Variants in RET observed in about 807,000 individuals in gnomAD.
RET encodes ret proto-oncogene, also known as proto-oncogene tyrosine-protein kinase receptor Ret.
A neutral mutation model predicts 118.3 loss-of-function variants in RET; 19 were observed. The ratio of observed to expected loss-of-function variants is 0.16; its 90% CI spans 0.11 to 0.24. The LOEUF (loss-of-function observed/expected upper bound fraction) is 0.24, where lower values mean the gene tolerates loss of function less well. RET is among the 10% of genes least tolerant of loss of function. The pLI is 1.00. For synonymous variants in RET, 597 were observed against 644.1 expected (o/e 0.93, Z 1.11); for missense variants, 1,219 against 1,502.1 (o/e 0.81, Z 3.12).
rs1588876518 is a variant in RET, at chr10:43,118,440, C to T, written c.2352C>T (p.His784=). The stretch of plus-strand genomic sequence containing the variant: ...TCAACGTCCTGAAGCAGGTCAACCA[C>T]CCACATGTCATCAAATTGTATGGGG... ...SEFNVLKQVN[H]PHVIKLYGAC... Residue 784 remains histidine, a synonymous_variant, in exon 13 of 20, where the codon CAC becomes CAT. Transcript: ENST00000355710. The T allele has an allele frequency of 6.2e-7, 1 of 1,614,090 alleles. No homozygotes were observed. The highest frequency in any genetic ancestry group is 8.5e-7 in the Non-Finnish European group (1 of 1,180,014).
rs1347740187 is a variant in RET, at chr10:43,102,275, TC to T, written c.338-65del. The stretch of plus-strand genomic sequence containing the variant: ...TTACACCAGCCCTGGAGCTCCTGCC[TC>T]CTCCCCATTCCCGACTGCCTGGCAG... On this transcript the variant is annotated intron_variant, in intron 2 of 19. Coordinates refer to ENST00000355710, the MANE Select transcript of RET (RefSeq NM_020975.6). The T allele has an allele frequency of 1.9e-6, 3 of 1,595,518 alleles. No individual in the cohort carries two copies. In the African/African-American group the frequency reaches 4.0e-5, roughly 21 times the overall value.
rs587780816 is a variant in RET at position 43,105,083 on chromosome 10, G to A, written c.757G>A (p.Val253Met). 1 of 1,611,636 alleles carries A rather than the reference G, an allele frequency of 6.2e-7. No homozygotes were observed. The highest frequency in any genetic ancestry group is 8.5e-7 in the Non-Finnish European group (1 of 1,179,796). Residue 253 changes from valine to methionine, a missense_variant, in exon 4 of 20, where the codon GTG (valine) becomes ATG (methionine). Transcript: ENST00000355710. ...CTVHAGAREEVVMVPFPVTVY... is the reference protein window; with the variant it reads ...CTVHAGAREEMVMVPFPVTVY... ...CGTGCACGCCGGCGCGCGCGAGGAG[G>A]TGGTGATGGTGCCCTTCCCGGTGAC...
In RET at chr10:43,123,594, G is replaced by C; in HGVS notation, c.2802-77G>C. The C allele has an allele frequency of 3.1e-6, 5 of 1,591,176 alleles. No homozygotes were observed. In the South Asian group the frequency reaches 5.5e-5, roughly 18 times the overall value. ...AGGGTCAGCAGGTGCTTGGTGGTGG[G>C]GGTGGATATCTGGGCCCCCCGGAGG... On this transcript the variant is annotated intron_variant, in intron 16 of 19. Transcript: ENST00000355710.
intron 1 of RET, among the ~76,000 whole-genome samples, chr10:43,089,133 T>C (rs1396569502): frequency 6.6e-6 from 1 of 152,244 alleles, no homozygotes; most frequent in East Asian, 1.9e-4. Context: ...CTCCATCCAG[T>C]GCTGGGCCCT....
intron 1 of RET, among the ~76,000 whole-genome samples, chr10:43,088,662 A>C (rs1837347059): frequency 6.6e-6 from 1 of 152,086 alleles, no homozygotes; most frequent in Non-Finnish European, 1.5e-5. Flanking sequence ...TCTGAGTCTC[A>C]GTGGGTACAG....
intron 1 of RET, among the ~76,000 whole-genome samples, chr10:43,079,936 A>G (rs1341395860): frequency 1.3e-5 from 2 of 150,768 alleles, no homozygotes; most frequent in East Asian, 2.0e-4. Flanking sequence ...TTCCTCCTCC[A>G]CTCCAGCTCA....
rs1044798735 is a variant in RET at position 43,092,682 on chromosome 10, G to T, written c.74-7777G>T. On this transcript the variant is annotated intron_variant, in intron 1 of 19. Transcript: ENST00000355710. ...GCTGCAGGTGGTCCTACCCGAGTGAGTCTGGCTGGCAGCTCCGGTGCCCAG... is the reference window on the plus strand; with the variant it reads ...GCTGCAGGTGGTCCTACCCGAGTGATTCTGGCTGGCAGCTCCGGTGCCCAG... Among the ~76,000 whole-genome samples, 7 of 152,348 alleles carry T rather than the reference G, an allele frequency of 4.6e-5. No homozygotes were observed. In the East Asian group the frequency reaches 1.4e-3, roughly 29 times the overall value.
At chr10:43,113,257 C>T (rs893196569) in intron 9 of RET, among the ~76,000 whole-genome samples, 4 of 152,178 alleles carry the variant, frequency 2.6e-5, no homozygotes, top group Non-Finnish European at 5.9e-5. Flanking sequence ...AAAGTGCGGC[C>T]CTGAGCCAGA....
chr10:43,094,449 G>C (rs537661899), intron 1 of RET, among the ~76,000 whole-genome samples: 4 of 152,216 alleles, frequency 2.6e-5, no homozygotes, highest in Admixed American at 1.3e-4. Context: ...GGATCATATC[G>C]TTGTTATTGT....
chr10:43,118,293 A>G, intron 12 of RET, 80 bp from the exon 13 acceptor site: 1 of 1,092,034 alleles, frequency 9.2e-7, no homozygotes, highest in Non-Finnish European at 1.4e-6. Flanking sequence ...AAGGCGATGC[A>G]GGTCCATCCT....
At chr10:43,088,623 A>G (rs1459163921) in intron 1 of RET, among the ~76,000 whole-genome samples, 3 of 151,794 alleles carry the variant, frequency 2.0e-5, no homozygotes, top group African/African-American at 7.3e-5. Flanking sequence ...AATTCCTTCT[A>G]GCTCCCAACA....
At chr10:43,083,967 G>A (rs1169491695) in intron 1 of RET, among the ~76,000 whole-genome samples, 3 of 152,192 alleles carry the variant, frequency 2.0e-5, no homozygotes, top group Non-Finnish European at 2.9e-5. Context: ...CCCAGCCTGC[G>A]TTCTGTCTCT....
rs2132680674 is a variant in RET, at chr10:43,102,445, C to T, written c.441C>T (p.Phe147=). Residue 147 remains phenylalanine, a synonymous_variant, in exon 3 of 20, where the codon TTC becomes TTT. Transcript: ENST00000355710. The part of the protein sequence containing the change: ...CQWPGCARVY[F]SFFNTSFPAC... ...GGCCAGGCTGTGCCCGCGTATACTT[C>T]TCCTTCTTCAACACCTCCTTTCCAG... is the stretch of plus-strand genomic sequence containing the variant. The T allele has an allele frequency of 6.2e-7, 1 of 1,614,270 alleles. No homozygotes were observed. Among genetic ancestry groups the T allele is most frequent in the Non-Finnish European group, 8.5e-7 (1 of 1,180,046 alleles).
At position 43,109,168 on chromosome 10, in the gene RET, A is replaced by T. The variant is rs140638866; in HGVS notation, c.1201A>T (p.Ser401Cys). Residue 401 changes from serine (S) to cysteine (C), a missense_variant, in exon 6 of 20, where the codon AGC (serine) becomes TGC (cysteine). This residue lies in a region of RET where 850 missense variants were observed against 969.6 expected (regional missense o/e 0.88). Coordinates refer to ENST00000355710, the MANE Select transcript of RET (RefSeq NM_020975.6). ...CTTCAACGTGTCGGTGCTGCCGGTC[A>T]GCCTGCACCTGCCCAGTACCTACTC... ...LHFNVSVLPV[S>C]LHLPSTYSLS... 146 of 1,613,778 alleles carry T rather than the reference A, an allele frequency of 9.0e-5. No individual in the cohort carries two copies. Among genetic ancestry groups the T allele is most frequent in the Non-Finnish European group, 1.2e-4 (141 of 1,180,040 alleles).
chr10:43,109,377 G>A (rs1837864574), intron 6 of RET, 147 bp downstream of exon 6: 2 of 853,446 alleles, frequency 2.3e-6, no homozygotes, highest in South Asian at 2.9e-5. Context: ...AGGTACAGCT[G>A]TGTGCACAGA....
chr10:43,123,636 G>A (rs548003901), intron 16 of RET, 35 bp from the exon 17 acceptor site: 1 of 1,613,842 alleles, frequency 6.2e-7, no homozygotes, highest in East Asian at 2.2e-5. Flanking sequence ...TGAGGGCCAG[G>A]TGGAGCCACT....
chr10:43,086,034 G>A (rs1837281530), intron 1 of RET, among the ~76,000 whole-genome samples: 2 of 152,208 alleles, frequency 1.3e-5, no homozygotes, highest in Admixed American at 1.3e-4. Flanking sequence ...GGAGAGCCCA[G>A]CTTCTACTCT....
chr10:43,118,436 A>C lies in RET; in HGVS notation c.2348A>C (p.Asn783Thr), dbSNP rs587778656. ...LSEFNVLKQV[N>T]HPHVIKLYGA... ...GAGTTCAACGTCCTGAAGCAGGTCA[A>C]CCACCCACATGTCATCAAATTGTAT... Residue 783 changes from asparagine (N) to threonine (T), a missense_variant, in exon 13 of 20, where the codon AAC (asparagine) becomes ACC (threonine). By Grantham distance (65) the Asn-to-Thr change is moderately conservative. Transcript: ENST00000355710. 63 of 1,614,000 alleles carry C rather than the reference A, an allele frequency of 3.9e-5. No individual in the cohort carries two copies. The highest frequency in any genetic ancestry group is 5.2e-5 in the Non-Finnish European group (61 of 1,180,040).
intron 3 of RET, 87 bp from the exon 4 acceptor site, chr10:43,104,865 C>A: frequency 6.6e-7 from 1 of 1,508,942 alleles, no homozygotes; most frequent in Admixed American, 2.1e-5. Flanking sequence ...GCGCCCCGCT[C>A]TGACCGCAGA....
Sources: gnomAD v4.1 joint callset for allele counts (sites outside exome capture counted in the v4.1 genomes callset) on GRCh38, gnomAD v4.1.1 for gene constraint, gnomAD v4.1.1 regional missense constraint, MANE v1.5 for transcripts, NCBI Gene and HGNC (gene_info 2026-07-23, HGNC 2026-07-21) for gene names.